ZSCAN32: variants seen among roughly 807,000 people sequenced by gnomAD.
ZSCAN32 encodes zinc finger and SCAN domain-containing protein 32.
In ZSCAN32, 52 loss-of-function variants were observed where a neutral mutation model predicts 47.4. The observed-to-expected ratio is 1.10, with a 90% confidence interval of 0.88 to 1.38. The LOEUF (loss-of-function observed/expected upper bound fraction) is 1.38. ZSCAN32 is among the 40% of genes most tolerant of loss of function. The pLI, the probability that ZSCAN32 is intolerant of heterozygous loss-of-function variation, is 0.00. For synonymous variants in ZSCAN32, 346 were observed against 305.7 expected (o/e 1.13, Z -1.38); for missense variants, 959 against 846.0 (o/e 1.13, Z -1.66).
intron 5 of ZSCAN32, among the ~76,000 whole-genome samples, chr16:3,388,703 A>T (rs2032303962): frequency 6.6e-6 from 1 of 152,200 alleles, no homozygotes; most frequent in Non-Finnish European, 1.5e-5. Context: ...CAAGAAACCA[A>T]AAGTGTGTGG....
Position 3,385,411 on chromosome 16 carries a change from A to G in ZSCAN32, c.752-470T>C, listed in dbSNP as rs528749617. On this transcript the variant is annotated intron_variant, in intron 5 of 6. Coordinates refer to ENST00000396852, the MANE Select transcript of ZSCAN32 (RefSeq NM_001284527.2). Reference sequence around the variant, plus strand: ...TCAATGCCATCCCCATCAAGCTACCAATGACTTTCTTCACAGAATTGGAAA... The same window carrying G: ...TCAATGCCATCCCCATCAAGCTACCGATGACTTTCTTCACAGAATTGGAAA... Among the ~76,000 whole-genome samples the G allele has an allele frequency of 7.9e-5, 12 of 152,284 alleles. No homozygotes were observed. In the East Asian group the frequency reaches 1.5e-3, roughly 20 times the overall value.
chr16:3,397,432 C>G lies in ZSCAN32; in HGVS notation c.126G>C (p.Gln42His), dbSNP rs1231502914. The change falls in exon 2 of 7, where the codon CAG becomes CAC. Residue 42 changes from glutamine to histidine, a missense_variant. Physicochemically the swap from Gln to His is conservative, Grantham distance 24 (BLOSUM62 0). Transcript: ENST00000396852. The stretch of plus-strand genomic sequence containing the variant: ...GGCCAGTTACCTCCTGGTAGCAAAA[C>G]TGCCTGAAGCGCTGACGGGAGGCCT... Reference protein sequence around the residue: ...DSEASRQRFRQFCYQEVTGPH... With the variant: ...DSEASRQRFRHFCYQEVTGPH... 1.3e-6 allele frequency: 2 copies of G among 1,551,460 alleles called. No individual in the cohort carries two copies. Among genetic ancestry groups the G allele is most frequent in the Non-Finnish European group, 1.7e-6 (2 of 1,147,612 alleles).
At chr16:3,391,300 G>C (rs2032665689) in intron 3 of ZSCAN32, among the ~76,000 whole-genome samples, 1 of 152,152 alleles carries the variant, frequency 6.6e-6, no homozygotes, top group African/African-American at 2.4e-5. Flanking sequence ...GAGAACACAG[G>C]TGTTCCCAAG....
Position 3,393,830 on chromosome 16 carries a change from A to C in ZSCAN32, c.367-16T>G. 1 of 1,530,074 alleles carries C rather than the reference A, an allele frequency of 6.5e-7. No individual in the cohort carries two copies. 94.8% of individuals were successfully genotyped at this position (1,530,074 alleles called of 1,614,324 possible). On this transcript the variant is annotated splice_polypyrimidine_tract_variant and intron_variant, in intron 2 of 6. Coordinates refer to ENST00000396852, the MANE Select transcript of ZSCAN32 (RefSeq NM_001284527.2). ...AATCTAGAACCTGAGAACAGACCCC[A>C]TTATCTATCACTACAAATTCCTGCC...
At chr16:3,389,943 A>T in intron 5 of ZSCAN32, 67 bp downstream of exon 5, 2 of 1,470,652 alleles carry the variant, frequency 1.4e-6, no homozygotes, top group East Asian at 2.5e-5. Flanking sequence ...CTCCCTCTCA[A>T]GTCCTTTCAG....
rs2031351973 is a variant in ZSCAN32, at chr16:3,382,626, T to C, written c.*226A>G. On this transcript the variant is annotated 3_prime_UTR_variant, in exon 7 of 7. Transcript: ENST00000396852. Reference sequence around the variant, plus strand: ...GTAGAATTTATGGATCCTACAGCTTTCTCTCCATCAAACTTTAAGTCACAG... The same window carrying C: ...GTAGAATTTATGGATCCTACAGCTTCCTCTCCATCAAACTTTAAGTCACAG... 4 of 472,258 alleles carry C rather than the reference T, an allele frequency of 8.5e-6. No homozygotes were observed. In the East Asian group the frequency reaches 1.4e-4, roughly 17 times the overall value. The allele number at this position is 472,258 out of a possible 1,614,324, so 29.3% of individuals were successfully genotyped here. A position where few individuals can be genotyped will look rare whatever the true frequency, so the allele number is the denominator to read the frequency against.
chr16:3,389,103 C>G (rs2032353774), intron 5 of ZSCAN32, among the ~76,000 whole-genome samples: 2 of 152,130 alleles, frequency 1.3e-5, no homozygotes. Context: ...CAATACAGAG[C>G]TCAAAAAGAC....
chr16:3,392,768 G>T (rs2032872091), intron 3 of ZSCAN32, among the ~76,000 whole-genome samples: 1 of 152,074 alleles, frequency 6.6e-6, no homozygotes, highest in African/African-American at 2.4e-5. Flanking sequence ...AGAGCTTGCA[G>T]TAAGCCAAGA....
intron 3 of ZSCAN32, among the ~76,000 whole-genome samples, chr16:3,393,242 TA>T (rs1242391097): frequency 1.8e-4 from 2 of 10,986 alleles, no homozygotes; most frequent in African/African-American, 1.2e-3. Flanking sequence ...TTATATATTT[TA>T]TATATATATA....
chr16:3,398,121 TGA>T (rs1567330089), intron 1 of ZSCAN32, among the ~76,000 whole-genome samples: 2 of 152,132 alleles, frequency 1.3e-5, no homozygotes, highest in African/African-American at 4.8e-5. Flanking sequence ...GTTAGGAGGA[TGA>T]GAGGGGCCTG....
At chr16:3,386,335 T>C (rs1234708558) in intron 5 of ZSCAN32, among the ~76,000 whole-genome samples, 8 of 152,206 alleles carry the variant, frequency 5.3e-5, no homozygotes, top group Non-Finnish European at 1.2e-4. Flanking sequence ...ACTTTTACAC[T>C]GTTGGTGGGA....
At chr16:3,392,294 CTG>C (rs1364390744) in intron 3 of ZSCAN32, among the ~76,000 whole-genome samples, 1 of 151,964 alleles carries the variant, frequency 6.6e-6, no homozygotes, top group Non-Finnish European at 1.5e-5. Context: ...CTGCATAACA[CTG>C]TGAATGTACT....
rs1400270990 is a variant in ZSCAN32 at position 3,383,666 on chromosome 16, TC to T, written c.1279del (p.Asp427MetfsTer6). 2 of 1,601,372 alleles carry T rather than the reference TC, an allele frequency of 1.2e-6. No homozygotes were observed. Among genetic ancestry groups the T allele is most frequent in the African/African-American group, 1.3e-5 (1 of 74,220 alleles). On this transcript the variant is annotated frameshift_variant, in exon 7 of 7. Transcript: ENST00000396852. LOFTEE classifies it low-confidence loss of function (END_TRUNC). ...GTTTATTTCTACTTCCTCTGAATCA[TC>T]CCATTTTAGATTTTCTTTTTTAATC... ...NEIKKENLKW[D>X]DSEEVEINKA...
chr16:3,383,252 G>A lies in ZSCAN32; in HGVS notation c.1694C>T (p.Thr565Ile). ...CCCTGTGTGAGTTCGTAGGTGGGCA[G>A]TGAGGTTGGAGCGCTCACTAAAGCC... ...GKGFSERSNL[T>I]AHLRTHTGER... Residue 565 changes from threonine to isoleucine, a missense_variant, in exon 7 of 7, where the codon ACT (threonine) becomes ATT (isoleucine). Physicochemically the swap from Thr to Ile is moderately conservative, Grantham distance 89 (BLOSUM62 -1). Coordinates refer to ENST00000396852, the MANE Select transcript of ZSCAN32 (RefSeq NM_001284527.2). 1 of 1,614,140 alleles carries A rather than the reference G, an allele frequency of 6.2e-7. No individual in the cohort carries two copies. Among genetic ancestry groups the A allele is most frequent in the Non-Finnish European group, 8.5e-7 (1 of 1,179,960 alleles).
rs2031658728 is a variant in ZSCAN32, at chr16:3,384,327, AACTTGGATAGGGTCAC to A, written c.1234+116_1234+131del. ...TAACCTTTAACTCCATGAAAACCAA[AACTTGGATAGGGTCAC>A]ACATCAAGATGATGATGATGCCAGG... On this transcript the variant is annotated intron_variant, in intron 6 of 6. Transcript: ENST00000396852. The A allele has an allele frequency of 3.7e-6, 5 of 1,367,794 alleles. No individual in the cohort carries two copies. The Admixed American group carries it at 1.1e-4, about 30-fold the overall frequency. The allele number at this position is 1,367,794 out of a possible 1,614,324, so 84.7% of individuals were successfully genotyped here. A position where few individuals can be genotyped will look rare whatever the true frequency, so the allele number is the denominator to read the frequency against.
intron 2 of ZSCAN32, among the ~76,000 whole-genome samples, chr16:3,396,397 C>G (rs927559550): frequency 1.3e-5 from 2 of 152,194 alleles, no homozygotes; most frequent in Non-Finnish European, 2.9e-5. Context: ...TACCTCCTCA[C>G]TGGGAAACAC....
chr16:3,386,266 G>C (rs975757297), intron 5 of ZSCAN32, among the ~76,000 whole-genome samples: 1 of 152,146 alleles, frequency 6.6e-6, no homozygotes, highest in Non-Finnish European at 1.5e-5. Context: ...AGTTAGAATG[G>C]CAATCATTAA....
intron 4 of ZSCAN32, 51 bp downstream of exon 4, chr16:3,390,372 T>G: frequency 6.7e-7 from 1 of 1,485,486 alleles, no homozygotes; most frequent in Non-Finnish European, 9.1e-7. Flanking sequence ...GAGGAGGGTT[T>G]TGGGGTGAGA....
At chr16:3,384,247 C>T in intron 6 of ZSCAN32, 2 of 635,128 alleles carry the variant, frequency 3.1e-6, no homozygotes, top group Non-Finnish European at 5.4e-6. Context: ...ATGACATGAA[C>T]TTAGTTGAAA....
Sources: gnomAD v4.1 joint callset for allele counts (sites outside exome capture counted in the v4.1 genomes callset) on GRCh38, gnomAD v4.1.1 for gene constraint, MANE v1.5 for transcripts, NCBI Gene and HGNC (gene_info 2026-07-23, HGNC 2026-07-21) for gene names.